Variants in NAALADL2 observed in about 807,000 individuals in gnomAD.
NAALADL2 encodes the protein N-acetylated alpha-linked acidic dipeptidase like 2.
In NAALADL2, 76 loss-of-function variants were observed where a neutral mutation model predicts 87.2. The ratio of observed to expected loss-of-function variants is 0.87; its 90% CI spans 0.72 to 1.05. The LOEUF (loss-of-function observed/expected upper bound fraction) is 1.05. NAALADL2 is among the 50% of genes least tolerant of loss of function. The pLI is 0.00. For missense variants in NAALADL2, 1,089 were observed against 945.8 expected, an observed-to-expected ratio of 1.15 and a Z score of -1.99; for synonymous variants, 354 against 331.0, an observed-to-expected ratio of 1.07 and a Z score of -0.75.
intron 4 of NAALADL2, among the ~76,000 whole-genome samples, chr3:175,291,925 T>C (rs9813581): frequency 0.78 from 119,199 of 152,114 alleles, 47,389 homozygotes; most frequent in African/African-American, 0.87. Context: ...CTAATAATGG[T>C]TCATTTAGCC....
intron 10 of NAALADL2, among the ~76,000 whole-genome samples, chr3:175,589,988 G>A (rs1224869999): frequency 5.3e-5 from 8 of 151,976 alleles, no homozygotes; most frequent in African/African-American, 1.4e-4. Context: ...CGAGGCAGGC[G>A]GGTCACGAGG....
intron 9 of NAALADL2, among the ~76,000 whole-genome samples, chr3:175,478,342 G>T (rs1425511468): frequency 2.0e-5 from 3 of 151,784 alleles, no homozygotes; most frequent in Admixed American, 2.0e-4. Context: ...TTAGAATTGT[G>T]ATTCTATTGG....
chr3:175,237,230 C>T (rs973833613), intron 3 of NAALADL2, among the ~76,000 whole-genome samples: 1 of 152,082 alleles, frequency 6.6e-6, no homozygotes, highest in African/African-American at 2.4e-5. Context: ...TTTTAGGCCA[C>T]ACCAAATTCC....
intron 9 of NAALADL2, among the ~76,000 whole-genome samples, chr3:175,493,546 G>A (rs772762635): frequency 6.6e-6 from 1 of 152,036 alleles, no homozygotes; most frequent in Admixed American, 6.6e-5. Flanking sequence ...ATTTAACTTT[G>A]CCCTGCACAA....
chr3:174,587,413 T>C (rs1466755379), intron 2 of NAALADL2, among the ~76,000 whole-genome samples: 1 of 152,202 alleles, frequency 6.6e-6, no homozygotes, highest in African/African-American at 2.4e-5. Context: ...TTTGATCCTG[T>C]CATTATGATA....
intron 10 of NAALADL2, among the ~76,000 whole-genome samples, chr3:175,578,661 C>A (rs1201482174): frequency 6.6e-6 from 1 of 152,152 alleles, no homozygotes; most frequent in African/African-American, 2.4e-5. Context: ...ATGGCCAAGA[C>A]AGATGTTGAT....
chr3:174,576,075 C>T (rs1178657216), intron 2 of NAALADL2, among the ~76,000 whole-genome samples: 2 of 152,010 alleles, frequency 1.3e-5, no homozygotes, highest in East Asian at 1.9e-4. Context: ...GTTGGTCAGG[C>T]TGGTCTCGAA....
rs188058758 is a variant in NAALADL2 at position 174,907,650 on chromosome 3, C to T, written c.43+48200C>T. On this transcript the variant is annotated intron_variant, in intron 1 of 13. Transcript: ENST00000454872. ...CATTTTATCGAGTCCCTAGTGTCTT[C>T]CTTTTCTATGATGACATCACAAAGT... 2.1e-3 allele frequency among the ~76,000 whole-genome samples: 314 copies of T among 152,156 alleles called. 3 individuals carry two copies. Among genetic ancestry groups the T allele is most frequent in the Admixed American group, 0.018 (278 of 15,274 alleles).
intron 5 of NAALADL2, among the ~76,000 whole-genome samples, chr3:175,382,198 A>C (rs76170278): frequency 6.6e-6 from 1 of 152,182 alleles, no homozygotes; most frequent in Non-Finnish European, 1.5e-5. Flanking sequence ...CCTAGCTAAA[A>C]ATAGAAAAAT....
chr3:174,471,708 T>C (rs1316906023), intron 1 of NAALADL2, among the ~76,000 whole-genome samples: 2 of 152,086 alleles, frequency 1.3e-5, no homozygotes, highest in African/African-American at 4.8e-5. Flanking sequence ...TTGCTTTAAC[T>C]TTGTATGCCC....
chr3:174,694,177 C>G (rs1328634427), intron 2 of NAALADL2, among the ~76,000 whole-genome samples: 1 of 152,096 alleles, frequency 6.6e-6, no homozygotes, highest in Non-Finnish European at 1.5e-5. Flanking sequence ...CTATCCCTTC[C>G]TCTTCATACC....
chr3:175,352,598 A>G (rs577554360), intron 5 of NAALADL2, among the ~76,000 whole-genome samples: 14 of 152,286 alleles, frequency 9.2e-5, no homozygotes, highest in Admixed American at 2.6e-4. Flanking sequence ...CTAGTGCCTC[A>G]AAGTCTCAAG....
At chr3:175,630,027 G>A (rs957330138) in intron 11 of NAALADL2, among the ~76,000 whole-genome samples, 1 of 151,706 alleles carries the variant, frequency 6.6e-6, no homozygotes, top group African/African-American at 2.4e-5. Flanking sequence ...AGAGTTCCGT[G>A]AGGTTTTTTA....
chr3:175,115,252 C>G (rs1482570511), intron 2 of NAALADL2: 1 of 151,554 alleles, frequency 6.6e-6, no homozygotes, highest in Non-Finnish European at 1.5e-5. Context: ...GCCCAGCAAA[C>G]AGTCAAACAT....
At chr3:174,896,340 G>T (rs1731525065) in intron 1 of NAALADL2, among the ~76,000 whole-genome samples, 2 of 151,912 alleles carry the variant, frequency 1.3e-5, no homozygotes, top group South Asian at 4.2e-4. Context: ...CAAGTTGCAG[G>T]ATAAAAAATC....
intron 10 of NAALADL2, among the ~76,000 whole-genome samples, chr3:175,577,229 G>A (rs1719032782): frequency 6.6e-6 from 1 of 152,134 alleles, no homozygotes; most frequent in Non-Finnish European, 1.5e-5. Flanking sequence ...TACAAATGAA[G>A]TACTTTGGTA....
intron 2 of NAALADL2, among the ~76,000 whole-genome samples, chr3:175,150,653 T>C (rs1483179647): frequency 6.6e-6 from 1 of 152,168 alleles, no homozygotes; most frequent in African/African-American, 2.4e-5. Flanking sequence ...CAAGTAATGG[T>C]CATTTTTAAG....
At chr3:174,711,059 C>G (rs1730577312) in intron 2 of NAALADL2, among the ~76,000 whole-genome samples, 1 of 152,084 alleles carries the variant, frequency 6.6e-6, no homozygotes, top group African/African-American at 2.4e-5. Context: ...AGTTCTGGCT[C>G]CTTTCCTATG....
At chr3:175,765,842 G>A (rs945222084) in intron 13 of NAALADL2, among the ~76,000 whole-genome samples, 1 of 152,064 alleles carries the variant, frequency 6.6e-6, no homozygotes, top group Non-Finnish European at 1.5e-5. Context: ...TAACAATCCT[G>A]CCAGATTGGT....
Sources: allele counts gnomAD v4.1 joint callset (sites outside exome capture counted in the v4.1 genomes callset), GRCh38; gene constraint gnomAD v4.1.1; transcripts MANE v1.5; gene names NCBI Gene and HGNC (gene_info 2026-07-23, HGNC 2026-07-21).